Variants in ASIC2 observed in about 807,000 individuals in gnomAD.
The protein encoded by ASIC2 is acid-sensing ion channel 2.
In ASIC2, 25 loss-of-function variants were observed where a neutral mutation model predicts 57.3. That is an observed-to-expected ratio of 0.44 (90% CI 0.32 to 0.61). ASIC2 has a LOEUF of 0.61. Among genes scored for constraint, ASIC2 ranks in the 20% least tolerant of loss-of-function variants. ASIC2 has a pLI of 0.06. For synonymous variants in ASIC2, 319 were observed against 307.5 expected, an observed-to-expected ratio of 1.04 and a Z score of -0.39; for missense variants, 641 against 738.1, an observed-to-expected ratio of 0.87 and a Z score of 1.52.
intron 2 of ASIC2, among the ~76,000 whole-genome samples, chr17:33,106,428 G>A (rs55898915): frequency 0.18 from 27,640 of 152,136 alleles, 2,597 homozygotes; most frequent in Non-Finnish European, 0.2. Context: ...GATAGAAGGA[G>A]ATGTGAAAGG....
At position 33,230,868 on chromosome 17, in the gene ASIC2, G is replaced by A. The variant is rs1028143565; in HGVS notation, c.708+60540C>T. 3.9e-5 allele frequency among the ~76,000 whole-genome samples: 6 copies of A among 152,104 alleles called. No individual in the cohort carries two copies. In the South Asian group the frequency reaches 6.2e-4, roughly 16 times the overall value. ...TGAGGTTCCCACTTCAAGGTGATAC[G>A]CAACGAAAATACGTTCTATATGGTT... On this transcript the variant is annotated intron_variant, in intron 1 of 9. Transcript: ENST00000225823.
intron 1 of ASIC2, among the ~76,000 whole-genome samples, chr17:33,840,943 G>T (rs1012868834): frequency 6.6e-6 from 1 of 152,158 alleles, no homozygotes; most frequent in Middle Eastern, 3.4e-3. Context: ...TATTCTGATG[G>T]ACAGGTATAT....
At chr17:33,870,124 C>T (rs913102298) in intron 1 of ASIC2, among the ~76,000 whole-genome samples, 1 of 151,202 alleles carries the variant, frequency 6.6e-6, no homozygotes, top group Non-Finnish European at 1.5e-5. Context: ...CTAATTGATA[C>T]CACATTAGAA....
intron 1 of ASIC2, among the ~76,000 whole-genome samples, chr17:33,163,257 C>T (rs1327866396): frequency 1.3e-5 from 2 of 152,178 alleles, no homozygotes; most frequent in Non-Finnish European, 2.9e-5. Context: ...GCAGCATGAC[C>T]TTCTAGGTGG....
intron 1 of ASIC2, among the ~76,000 whole-genome samples, chr17:33,991,300 A>T (rs557709724): frequency 6.2e-4 from 94 of 152,350 alleles, no homozygotes; most frequent in African/African-American, 2.2e-3. Flanking sequence ...AAGACATCAG[A>T]GAGGGGAAGT....
chr17:34,121,833 T>C (rs76294181), intron 1 of ASIC2, among the ~76,000 whole-genome samples: 90 of 152,370 alleles, frequency 5.9e-4, no homozygotes, highest in African/African-American at 2.1e-3. Flanking sequence ...ATTATCATCT[T>C]CTACCTGGCT....
At chr17:33,821,929 G>A (rs1912756543) in intron 1 of ASIC2, among the ~76,000 whole-genome samples, 1 of 152,168 alleles carries the variant, frequency 6.6e-6, no homozygotes, top group Non-Finnish European at 1.5e-5. Context: ...AAATACTGTG[G>A]TAACAGTCTT....
chr17:33,670,939 T>C (rs140497412), intron 1 of ASIC2, among the ~76,000 whole-genome samples: 3 of 152,360 alleles, frequency 2.0e-5, no homozygotes, highest in African/African-American at 7.2e-5. Flanking sequence ...AATGCTTTTT[T>C]TGGGCTTTGC....
chr17:33,095,717 G>T (rs1279196999), intron 2 of ASIC2, among the ~76,000 whole-genome samples: 3 of 152,218 alleles, frequency 2.0e-5, no homozygotes, highest in Non-Finnish European at 4.4e-5. Context: ...CAAGTGCATG[G>T]GGGCTGGGCA....
intron 1 of ASIC2, among the ~76,000 whole-genome samples, chr17:33,228,437 C>T: frequency 6.6e-6 from 1 of 152,238 alleles, no homozygotes; most frequent in East Asian, 1.9e-4. Flanking sequence ...GCTGCAGGTC[C>T]TCCCGAGGAG....
chr17:33,856,611 G>A (rs979227886), intron 1 of ASIC2, among the ~76,000 whole-genome samples: 2 of 31,618 alleles, frequency 6.3e-5, no homozygotes, highest in South Asian at 1.7e-3. Flanking sequence ...CAGCTCAGAG[G>A]AAGCAGGAAT....
chr17:33,557,985 A>AT lies in ASIC2; in HGVS notation c.556-445919dup, dbSNP rs1347343134. Reference sequence around the variant, plus strand: ...CTAATCTGTTACTCATTTGGACCATATTTTTTCTAGTAGAAAATTTACATT... The same window carrying AT: ...CTAATCTGTTACTCATTTGGACCATATTTTTTTCTAGTAGAAAATTTACATT... On this transcript the variant is annotated intron_variant, in intron 1 of 9. Coordinates refer to the ASIC2 transcript ENST00000359872. 5.8e-4 allele frequency among the ~76,000 whole-genome samples: 88 copies of AT among 151,944 alleles called. 1 individual carries two copies. Among genetic ancestry groups the AT allele is most frequent in the Admixed American group, 6.5e-5 (1 of 15,268 alleles).
intron 1 of ASIC2, among the ~76,000 whole-genome samples, chr17:33,621,583 G>C (rs1905801516): frequency 1.3e-5 from 2 of 152,222 alleles, no homozygotes; most frequent in South Asian, 4.1e-4. Context: ...GGAAGCGTAA[G>C]CTTAGCAAGT....
rs1754588852 is a variant in ASIC2, at chr17:33,661,539, C to T, written c.555+494439G>A. Among the ~76,000 whole-genome samples the T allele has an allele frequency of 2.6e-5, 4 of 152,206 alleles. No individual in the cohort carries two copies. In the South Asian group the frequency reaches 6.2e-4, roughly 24 times the overall value. On this transcript the variant is annotated intron_variant, in intron 1 of 9. Coordinates refer to the ASIC2 transcript ENST00000359872. ...GGCAAGACATTGAATGATTCTGGAC[C>T]TCGGTTTCCCTATCTTATTCCTAGC...
chr17:33,851,309 C>T (rs1249297885), intron 1 of ASIC2, among the ~76,000 whole-genome samples: 1 of 151,834 alleles, frequency 6.6e-6, no homozygotes, highest in Admixed American at 6.6e-5. Flanking sequence ...CTGAGACCAC[C>T]CAAGAGGACA....
At position 33,730,953 on chromosome 17, in the gene ASIC2, G is replaced by T. The variant is rs142669192; in HGVS notation, c.555+425025C>A. Among the ~76,000 whole-genome samples the T allele has an allele frequency of 3.9e-4, 60 of 152,262 alleles. No individual in the cohort carries two copies. The East Asian group carries it at 0.01, about 25-fold the overall frequency. ...TTCACAGTGGTGGCAATGAGGGCAG[G>T]TTCCTGGATCTTGGGCATTTATCTT... On this transcript the variant is annotated intron_variant, in intron 1 of 9. Transcript: ENST00000359872.
At chr17:33,726,075 C>T (rs2142087160) in intron 1 of ASIC2, among the ~76,000 whole-genome samples, 1 of 152,292 alleles carries the variant, frequency 6.6e-6, no homozygotes, top group South Asian at 2.1e-4. Context: ...GCAGACTGGC[C>T]CTGGACAGAA....
At chr17:33,741,829 C>A (rs910394529) in intron 1 of ASIC2, among the ~76,000 whole-genome samples, 2 of 152,322 alleles carry the variant, frequency 1.3e-5, no homozygotes, top group Admixed American at 1.3e-4. Context: ...CCTGAGGCCA[C>A]CATGCCTAGA....
chr17:33,586,853 C>G (rs1393655405), intron 1 of ASIC2, among the ~76,000 whole-genome samples: 1 of 152,190 alleles, frequency 6.6e-6, no homozygotes, highest in Non-Finnish European at 1.5e-5. Flanking sequence ...TCTTTATTTT[C>G]TCATTTGTTC....
Sources: allele counts gnomAD v4.1 joint callset (sites outside exome capture counted in the v4.1 genomes callset), GRCh38; gene constraint gnomAD v4.1.1; transcripts MANE v1.5; gene names NCBI Gene and HGNC (gene_info 2026-07-23, HGNC 2026-07-21).